The following SYNRG variants were observed in gnomAD, a reference collection of about 807,000 sequenced individuals.
SYNRG encodes the protein synergin gamma.
A neutral mutation model predicts 130.9 loss-of-function variants in SYNRG; 37 were observed. The observed-to-expected ratio is 0.28, with a 90% CI of 0.22 to 0.37. SYNRG has a LOEUF of 0.37. Among genes scored for constraint, SYNRG ranks in the 10% least tolerant of loss-of-function variants. The probability of loss-of-function intolerance (pLI) is 1.00; values close to 1 mark genes in which losing one functional copy is unlikely to be tolerated. For synonymous variants in SYNRG, 539 were observed against 568.1 expected (o/e 0.95, Z 0.73); for missense variants, 1,338 against 1,588.9 (o/e 0.84, Z 2.68).
At chr17:37,554,699 T>C (rs2058973502) in intron 13 of SYNRG, among the ~76,000 whole-genome samples, 1 of 152,206 alleles carries the variant, frequency 6.6e-6, no homozygotes, top group Admixed American at 6.5e-5. Flanking sequence ...GTGGGGCACA[T>C]TGTAAAGCAG....
At chr17:37,566,243 T>C (rs1405789505) in intron 11 of SYNRG, among the ~76,000 whole-genome samples, 1 of 151,798 alleles carries the variant, frequency 6.6e-6, no homozygotes, top group East Asian at 1.9e-4. Context: ...GCCGTGTCTG[T>C]GTAGAAAGAA....
At chr17:37,532,967 T>C (rs1240196862) in intron 19 of SYNRG, among the ~76,000 whole-genome samples, 1 of 152,230 alleles carries the variant, frequency 6.6e-6, no homozygotes, top group Non-Finnish European at 1.5e-5. Flanking sequence ...ATTTGGCCTA[T>C]ATTGAGAAAT....
At chr17:37,580,813 G>A (rs754010332) in intron 6 of SYNRG, among the ~76,000 whole-genome samples, 1 of 151,938 alleles carries the variant, frequency 6.6e-6, no homozygotes, top group Non-Finnish European at 1.5e-5. Context: ...GATTACAGGT[G>A]TGAGTCCCCA....
chr17:37,572,570 C>G (rs2060512634), intron 8 of SYNRG, among the ~76,000 whole-genome samples: 1 of 152,056 alleles, frequency 6.6e-6, no homozygotes, highest in South Asian at 2.1e-4. Context: ...AAGATTGTAA[C>G]AAGACAGCAT....
chr17:37,527,184 T>C (rs1246027749), intron 19 of SYNRG, among the ~76,000 whole-genome samples: 1 of 152,230 alleles, frequency 6.6e-6, no homozygotes, highest in Non-Finnish European at 1.5e-5. Flanking sequence ...GATTGCCAGT[T>C]GACTAAAATT....
chr17:37,528,101 C>G (rs1388426064), intron 19 of SYNRG, among the ~76,000 whole-genome samples: 3 of 152,190 alleles, frequency 2.0e-5, no homozygotes, highest in Non-Finnish European at 4.4e-5. Context: ...GATACAGATT[C>G]AAATCACAGA....
chr17:37,569,752 C>T (rs1057011315), intron 10 of SYNRG, among the ~76,000 whole-genome samples: 3 of 149,660 alleles, frequency 2.0e-5, no homozygotes, highest in Non-Finnish European at 4.4e-5. Flanking sequence ...TTAAGTGACA[C>T]AAGCTCATCA....
chr17:37,533,049 A>G, intron 19 of SYNRG, among the ~76,000 whole-genome samples: 1 of 152,112 alleles, frequency 6.6e-6, no homozygotes, highest in East Asian at 1.9e-4. Context: ...TTTGAAGGCA[A>G]TGTTGATTAT....
At position 37,528,521 on chromosome 17, in the gene SYNRG, A is replaced by G. The variant is rs2056228561; in HGVS notation, c.3666+7458T>C. On this transcript the variant is annotated intron_variant, in intron 19 of 21. Transcript: ENST00000612223. ...AATCAAAGGGCCTCACTGTGGCAAT[A>G]TAGTTCATTTAGGAAGTCATTTACC... Among the ~76,000 whole-genome samples the G allele has an allele frequency of 2.6e-5, 4 of 152,222 alleles. No homozygotes were observed. The South Asian group carries it at 8.3e-4, about 31-fold the overall frequency.
chr17:37,566,040 G>A (rs1317167788), intron 11 of SYNRG, among the ~76,000 whole-genome samples: 6 of 138,600 alleles, frequency 4.3e-5, no homozygotes, highest in Non-Finnish European at 7.8e-5. Context: ...CCGGCCAGCC[G>A]TCCCGTCCGG....
Position 37,553,252 on chromosome 17 carries a change from C to T in SYNRG, c.2471G>A (p.Gly824Asp). The change falls in exon 14 of 22, where the codon GGC becomes GAC. Residue 824 changes from glycine (G) to aspartate (D), a missense_variant. Around this residue, in one of 3 missense-constraint regions of SYNRG, gnomAD observed 1,146 missense variants for 1,342.3 expected, o/e 0.85. Coordinates refer to ENST00000612223, the MANE Select transcript of SYNRG (RefSeq NM_007247.6). ...GAGTGCATCTTCAGAGTCCTCCTTG[C>T]CAACACTGCTGCCACCAATGGAAGG... The part of the protein sequence containing the change: ...DLPSIGGSSV[G>D]KEDSEDALSV... The T allele has an allele frequency of 6.2e-7, 1 of 1,613,920 alleles. No individual in the cohort carries two copies. Among genetic ancestry groups the T allele is most frequent in the Non-Finnish European group, 8.5e-7 (1 of 1,179,970 alleles).
At position 37,586,547 on chromosome 17, in the gene SYNRG, T is replaced by C; in HGVS notation, c.243A>G (p.Ala81=). ...CTGGCATTGGTCCCATTGGTATTCC[T>C]GCCTAGAAGAAACAGACAAAGGCTT... is the stretch of plus-strand genomic sequence containing the variant. ...QMSQGPIAMQ[A]GIPMGPMPAA... is the part of the protein sequence containing the mutation. The change falls in exon 4 of 22, where the codon GCA becomes GCG. Residue 81 remains alanine (A), a splice_region_variant and synonymous_variant. Transcript: ENST00000612223. 2.5e-6 allele frequency: 4 copies of C among 1,614,032 alleles called. No homozygotes were observed. Among genetic ancestry groups the C allele is most frequent in the Non-Finnish European group, 3.4e-6 (4 of 1,179,944 alleles).
chr17:37,589,893 G>A (rs1038180873), intron 3 of SYNRG, among the ~76,000 whole-genome samples: 5 of 151,994 alleles, frequency 3.3e-5, no homozygotes, highest in African/African-American at 9.7e-5. Context: ...AAGACAGGCC[G>A]GGCGCATTGG....
At chr17:37,539,047 T>C (rs1256971520) in intron 17 of SYNRG, 145 bp downstream of exon 17, 5 of 1,455,886 alleles carry the variant, frequency 3.4e-6, no homozygotes, top group Non-Finnish European at 4.5e-6. Context: ...CTTAGATGCA[T>C]GACTTCCACA....
chr17:37,538,892 C>A (rs1411603711), intron 17 of SYNRG: 2 of 498,536 alleles, frequency 4.0e-6, no homozygotes, highest in Admixed American at 6.4e-5. Context: ...CCGCACCCAG[C>A]CAAGACAGGT....
At position 37,586,687 on chromosome 17, in the gene SYNRG, G is replaced by A. The variant is rs139304160; in HGVS notation, c.241-138C>T. On this transcript the variant is annotated intron_variant, in intron 3 of 21. Coordinates refer to ENST00000612223, the MANE Select transcript of SYNRG (RefSeq NM_007247.6). The stretch of plus-strand genomic sequence containing the variant: ...AATATATTGGATTAAAAGATGCAAA[G>A]ATGCAAATAAATAAAAGATGCAAAT... 3.4e-3 allele frequency: 3,381 copies of A among 1,000,586 alleles called. 18 individuals carry two copies. Among genetic ancestry groups the A allele is most frequent in the East Asian group, 0.025 (940 of 37,316 alleles). The allele number at this position is 1,000,586 out of a possible 1,614,324, so 62.0% of individuals were successfully genotyped here. A position where few individuals can be genotyped will look rare whatever the true frequency, so the allele number is the denominator to read the frequency against.
At chr17:37,567,944 C>G (rs1169530915) in intron 11 of SYNRG, 3 of 152,162 alleles carry the variant, frequency 2.0e-5, no homozygotes, top group Non-Finnish European at 4.4e-5. Context: ...TGGCTCATGC[C>G]TGTAATCCTA....
intron 14 of SYNRG, 74 bp downstream of exon 14, chr17:37,553,041 T>C: frequency 1.4e-6 from 2 of 1,406,194 alleles, no homozygotes; most frequent in Non-Finnish European, 2.0e-6. Flanking sequence ...GCCTTACTCA[T>C]GTAAATCAAC....
chr17:37,582,014 C>T (rs1189099884), intron 6 of SYNRG, among the ~76,000 whole-genome samples: 4 of 152,060 alleles, frequency 2.6e-5, no homozygotes, highest in Admixed American at 2.0e-4. Context: ...CCACCCACCT[C>T]GGCCTCCCAA....
Sources: allele counts gnomAD v4.1 joint callset (sites outside exome capture counted in the v4.1 genomes callset), GRCh38; gene constraint gnomAD v4.1.1; regional missense constraint gnomAD v4.1.1; transcripts MANE v1.5; gene names NCBI Gene and HGNC (gene_info 2026-07-23, HGNC 2026-07-21).